HCN1: variants seen among roughly 807,000 people sequenced by gnomAD.
HCN1 encodes the protein hyperpolarization activated cyclic nucleotide gated potassium channel 1.
Under a neutral mutation model 78.9 loss-of-function variants are expected in HCN1, and 13 were observed. That is an observed-to-expected ratio of 0.16 (90% CI 0.11 to 0.26). HCN1 has a LOEUF of 0.26. HCN1 is among the 10% of genes least tolerant of loss of function. The pLI is 1.00. For missense variants in HCN1, 810 were observed against 1,154.3 expected, an observed-to-expected ratio of 0.70 and a Z score of 4.32; for synonymous variants, 552 against 455.5, an observed-to-expected ratio of 1.21 and a Z score of -2.70.
chr5:45,322,377 T>C (rs1746142135), intron 5 of HCN1, among the ~76,000 whole-genome samples: 1 of 151,826 alleles, frequency 6.6e-6, no homozygotes, highest in Non-Finnish European at 1.5e-5. Flanking sequence ...AATGATGATA[T>C]TCACTAATAT....
At chr5:45,637,083 T>G (rs1014547356) in intron 2 of HCN1, among the ~76,000 whole-genome samples, 1 of 152,162 alleles carries the variant, frequency 6.6e-6, no homozygotes, top group African/African-American at 2.4e-5. Context: ...ATCCCCATAC[T>G]GTCAATGAGG....
At chr5:45,370,195 C>A (rs1747323931) in intron 4 of HCN1, among the ~76,000 whole-genome samples, 1 of 151,806 alleles carries the variant, frequency 6.6e-6, no homozygotes, top group African/African-American at 2.4e-5. Context: ...ATAGACATAA[C>A]TTTATATAAA....
At chr5:45,303,147 A>AT (rs1214956897) in intron 6 of HCN1, among the ~76,000 whole-genome samples, 5 of 152,102 alleles carry the variant, frequency 3.3e-5, no homozygotes, top group Admixed American at 6.6e-5. Flanking sequence ...AATAGCAATG[A>AT]TTTTTGCAAT....
At position 45,612,535 on chromosome 5, in the gene HCN1, G is replaced by A. The variant is rs1744858561; in HGVS notation, c.849+32650C>T. On this transcript the variant is annotated intron_variant, in intron 2 of 7. Coordinates refer to ENST00000303230, the MANE Select transcript of HCN1 (RefSeq NM_021072.4). ...TATGCAATCCCAAATATTATGAAGT[G>A]ATACCATTAAATATTGGTTTCCTGA... 2.0e-5 allele frequency among the ~76,000 whole-genome samples: 3 copies of A among 152,164 alleles called. No homozygotes were observed. The South Asian group carries it at 6.2e-4, about 32-fold the overall frequency.
At chr5:45,568,315 TTAA>T (rs1166691544) in intron 2 of HCN1, among the ~76,000 whole-genome samples, 2 of 152,092 alleles carry the variant, frequency 1.3e-5, no homozygotes, top group African/African-American at 4.8e-5. Context: ...ATTAATACAA[TTAA>T]TCTTCTTTAG....
chr5:45,523,698 G>A (rs1579947959), intron 2 of HCN1, among the ~76,000 whole-genome samples: 1 of 152,134 alleles, frequency 6.6e-6, no homozygotes, highest in African/African-American at 2.4e-5. Context: ...CCCACTTTTT[G>A]ATGGGTTTGT....
At chr5:45,320,557 C>A (rs1746104651) in intron 5 of HCN1, among the ~76,000 whole-genome samples, 1 of 151,766 alleles carries the variant, frequency 6.6e-6, no homozygotes, top group Non-Finnish European at 1.5e-5. Context: ...ATATAGTCTG[C>A]CAGTAACCAC....
chr5:45,418,938 G>A (rs940199581), intron 3 of HCN1, among the ~76,000 whole-genome samples: 12 of 152,120 alleles, frequency 7.9e-5, no homozygotes, highest in Non-Finnish European at 1.6e-4. Flanking sequence ...TAAAATTGAA[G>A]TGACTATCTT....
intron 1 of HCN1, among the ~76,000 whole-genome samples, chr5:45,654,559 T>C (rs1393456682): frequency 6.6e-6 from 1 of 152,098 alleles, no homozygotes. Flanking sequence ...TCTAGTACCA[T>C]TCACTCTAGT....
chr5:45,492,296 A>ATGTGTGTG (rs375423075), intron 2 of HCN1, among the ~76,000 whole-genome samples: 13 of 140,906 alleles, frequency 9.2e-5, no homozygotes, highest in African/African-American at 2.6e-4. Flanking sequence ...AACTCTGTGT[A>ATGTGTGTG]TGTGTGTGTG....
chr5:45,666,549 T>G (rs116535622), intron 1 of HCN1, among the ~76,000 whole-genome samples: 1 of 152,094 alleles, frequency 6.6e-6, no homozygotes, highest in African/African-American at 2.4e-5. Context: ...GGTGGCCTAG[T>G]AATACATTCC....
rs368309985 is a variant in HCN1, at chr5:45,498,281, G to A, written c.850-36274C>T. ...CCCATATTTCTTGGAGGCTTTGCTC[G>A]TTTCTTTTTATTCTTTTTTCTCTAA... On this transcript the variant is annotated intron_variant, in intron 2 of 7. Transcript: ENST00000303230. Among the ~76,000 whole-genome samples the A allele has an allele frequency of 7.1e-3, 1,078 of 152,084 alleles. 9 individuals carry two copies. Among genetic ancestry groups the A allele is most frequent in the Middle Eastern group, 0.017 (5 of 292 alleles).
At chr5:45,346,527 C>G (rs1746714853) in intron 5 of HCN1, among the ~76,000 whole-genome samples, 1 of 152,132 alleles carries the variant, frequency 6.6e-6, no homozygotes, top group Admixed American at 6.5e-5. Flanking sequence ...ACAGTAGGTG[C>G]AGTGCACCAT....
chr5:45,404,358 A>AC (rs1739879037), intron 3 of HCN1, among the ~76,000 whole-genome samples: 2 of 152,286 alleles, frequency 1.3e-5, no homozygotes, highest in East Asian at 3.9e-4. Context: ...AATAAAATAT[A>AC]AGGGAACTGT....
intron 1 of HCN1, among the ~76,000 whole-genome samples, chr5:45,691,644 G>A (rs1309944753): frequency 5.3e-5 from 8 of 152,142 alleles, no homozygotes; most frequent in Non-Finnish European, 1.2e-4. Context: ...AGCATTGCTG[G>A]CAGATACAGA....
At chr5:45,636,068 A>T (rs758738582) in intron 2 of HCN1, among the ~76,000 whole-genome samples, 36 of 152,144 alleles carry the variant, frequency 2.4e-4, no homozygotes, top group Non-Finnish European at 5.0e-4. Flanking sequence ...TTCATCAGAG[A>T]TTAGTTTGAG....
chr5:45,602,158 C>G (rs1263062707), intron 2 of HCN1, among the ~76,000 whole-genome samples: 4 of 152,080 alleles, frequency 2.6e-5, no homozygotes, highest in Non-Finnish European at 5.9e-5. Context: ...AAACCACCTT[C>G]CTTTATAACT....
At chr5:45,571,417 G>A (rs1050661086) in intron 2 of HCN1, among the ~76,000 whole-genome samples, 3 of 152,072 alleles carry the variant, frequency 2.0e-5, no homozygotes, top group Non-Finnish European at 4.4e-5. Flanking sequence ...ATCTGGACAC[G>A]CAAACTGGAG....
At chr5:45,457,849 C>T (rs1307257452) in intron 3 of HCN1, among the ~76,000 whole-genome samples, 7 of 152,070 alleles carry the variant, frequency 4.6e-5, no homozygotes, top group Admixed American at 3.9e-4. Context: ...ACAATATTAA[C>T]CTGTTCATGA....
Sources: allele counts gnomAD v4.1 joint callset (sites outside exome capture counted in the v4.1 genomes callset), GRCh38; gene constraint gnomAD v4.1.1; transcripts MANE v1.5; gene names NCBI Gene and HGNC (gene_info 2026-07-23, HGNC 2026-07-21).